CCDC171: variants seen among roughly 807,000 people sequenced by gnomAD.
CCDC171 encodes coiled-coil domain-containing protein 171.
CCDC171 carries 177 observed loss-of-function variants against 168.2 expected under a neutral mutation model. The ratio of observed to expected loss-of-function variants is 1.05; its 90% CI spans 0.93 to 1.19. CCDC171 has a LOEUF of 1.19. CCDC171 is among the 50% of genes most tolerant of loss of function. The probability of loss-of-function intolerance (pLI) is 0.00; values close to 1 mark genes in which losing one functional copy is unlikely to be tolerated. For synonymous variants in CCDC171, 687 were observed against 540.8 expected (o/e 1.27, Z -3.75); for missense variants, 1,991 against 1,539.0 (o/e 1.29, Z -4.91).
At chr9:15,992,312 G>A (rs1196702825) in intron 3 of CCDC171, among the ~76,000 whole-genome samples, 1 of 152,114 alleles carries the variant, frequency 6.6e-6, no homozygotes, top group African/African-American at 2.4e-5. Flanking sequence ...CATATAAACA[G>A]AACCAAAGAC....
the CCDC171 span, among the ~76,000 whole-genome samples, chr9:16,069,765 G>T: frequency 6.6e-6 from 1 of 152,148 alleles, no homozygotes; most frequent in South Asian, 2.1e-4. Context: ...AGAGCTTGCT[G>T]TTCACACCCC....
intron 6 of CCDC171, among the ~76,000 whole-genome samples, chr9:16,030,388 A>G (rs1833346674): frequency 1.3e-5 from 2 of 152,192 alleles, no homozygotes; most frequent in Non-Finnish European, 2.9e-5. Flanking sequence ...AGTTATGTAC[A>G]TATTTGTTGT....
rs537927511 is a variant in CCDC171, at chr9:15,819,266, T to C, written c.3268-27436T>C. Among the ~76,000 whole-genome samples, 162 of 117,842 alleles carry C rather than the reference T, an allele frequency of 1.4e-3. 49 individuals carry two copies. Among genetic ancestry groups the C allele is most frequent in the African/African-American group, 4.8e-3 (149 of 31,350 alleles). The allele number at this position is 117,842 out of a possible 152,430, so 77.3% of individuals were successfully genotyped here. ...GCCAAATTGTAAAGACCATCGAGGCTAGGAAGAAACTGCATCAACTAACGA... is the reference window on the plus strand; with the variant it reads ...GCCAAATTGTAAAGACCATCGAGGCCAGGAAGAAACTGCATCAACTAACGA... On this transcript the variant is annotated intron_variant, in intron 21 of 25. Transcript: ENST00000380701.
At chr9:15,610,483 T>TAAAAAAAA (rs1351393897) in intron 6 of CCDC171, among the ~76,000 whole-genome samples, 3 of 43,094 alleles carry the variant, frequency 7.0e-5, no homozygotes, top group Non-Finnish European at 1.4e-4. Flanking sequence ...AAAAAAAAAC[T>TAAAAAAAA]GGGCGTGGTG....
chr9:15,640,460 C>A (rs2046521362), intron 7 of CCDC171, among the ~76,000 whole-genome samples: 1 of 151,842 alleles, frequency 6.6e-6, no homozygotes, highest in African/African-American at 2.4e-5. Context: ...CATACGAGGC[C>A]CCTTATGTAA....
chr9:15,963,037 C>T (rs981767809), intron 25 of CCDC171, among the ~76,000 whole-genome samples: 2 of 151,982 alleles, frequency 1.3e-5, no homozygotes, highest in African/African-American at 4.8e-5. Context: ...TCATACTTCA[C>T]TTAAGTAGCC....
chr9:15,639,397 G>T (rs1191522333), intron 7 of CCDC171, among the ~76,000 whole-genome samples: 1 of 152,128 alleles, frequency 6.6e-6, no homozygotes, highest in Non-Finnish European at 1.5e-5. Flanking sequence ...AAAAGGTAGA[G>T]ATAATTTTTA....
intron 1 of CCDC171, among the ~76,000 whole-genome samples, chr9:16,050,816 C>T (rs1353611668): frequency 6.6e-6 from 1 of 152,102 alleles, no homozygotes; most frequent in Non-Finnish European, 1.5e-5. Context: ...TGGTAGTAAC[C>T]CCTCAAAGTT....
chr9:15,885,341 TAA>T (rs950801213), intron 24 of CCDC171, among the ~76,000 whole-genome samples: 68 of 152,358 alleles, frequency 4.5e-4, no homozygotes, highest in Admixed American at 1.2e-3. Context: ...TCATTAATGT[TAA>T]GAGGCAAAAA....
chr9:15,621,347 C>G (rs2044489482), intron 6 of CCDC171, among the ~76,000 whole-genome samples: 1 of 152,132 alleles, frequency 6.6e-6, no homozygotes, highest in Non-Finnish European at 1.5e-5. Context: ...CACTATAGTG[C>G]AAACATTACT....
rs1564187268 is a variant in CCDC171, at chr9:15,674,762, G to A, written c.1077-3996G>A. 2.0e-5 allele frequency among the ~76,000 whole-genome samples: 3 copies of A among 152,162 alleles called. 1 individual carries two copies. The South Asian group carries it at 6.2e-4, about 32-fold the overall frequency. On this transcript the variant is annotated intron_variant, in intron 9 of 25. Transcript: ENST00000380701. Reference sequence around the variant, plus strand: ...ATTTCTCATCTTTTACATTTGCTGAGGAGTGTTTTATTTCCAATTATGTGG... The same window carrying A: ...ATTTCTCATCTTTTACATTTGCTGAAGAGTGTTTTATTTCCAATTATGTGG...
intron 1 of CCDC171, among the ~76,000 whole-genome samples, chr9:16,054,878 CT>C (rs1423075511): frequency 6.6e-6 from 1 of 152,194 alleles, no homozygotes; most frequent in Non-Finnish European, 1.5e-5. Context: ...CAGACACCCC[CT>C]CCCCACACAC....
the CCDC171 span, among the ~76,000 whole-genome samples, chr9:16,080,060 C>G: frequency 6.6e-6 from 1 of 152,166 alleles, no homozygotes; most frequent in African/African-American, 2.4e-5. Context: ...CTGAAATCTG[C>G]TGCCTTGGAA....
At chr9:15,932,512 C>T (rs1826646602) in intron 25 of CCDC171, among the ~76,000 whole-genome samples, 1 of 151,592 alleles carries the variant, frequency 6.6e-6, no homozygotes, top group Non-Finnish European at 1.5e-5. Context: ...TTTTTTGGTG[C>T]AGTTTTTGGG....
chr9:15,634,342 A>G (rs1402681464), intron 7 of CCDC171, among the ~76,000 whole-genome samples: 1 of 152,078 alleles, frequency 6.6e-6, no homozygotes, highest in Non-Finnish European at 1.5e-5. Flanking sequence ...TATTTCTTTT[A>G]TTTCTACAAA....
rs1280897615 is a variant in CCDC171, at chr9:15,632,923, A to G, written c.822+9510A>G. 4.6e-5 allele frequency among the ~76,000 whole-genome samples: 7 copies of G among 152,248 alleles called. No individual in the cohort carries two copies. The South Asian group carries it at 1.2e-3, about 27-fold the overall frequency. On this transcript the variant is annotated intron_variant, in intron 7 of 25. Coordinates refer to ENST00000380701, the MANE Select transcript of CCDC171 (RefSeq NM_173550.4). ...CCTGAGAAAAACAAGCAACGCGGAA[A>G]GGATTCCCTGTTTAATAAATGGTGC... is the stretch of plus-strand genomic sequence containing the variant.
chr9:15,761,037 T>A (rs758803154), intron 18 of CCDC171, among the ~76,000 whole-genome samples: 1 of 152,220 alleles, frequency 6.6e-6, no homozygotes, highest in Non-Finnish European at 1.5e-5. Context: ...CTTTTTGATA[T>A]GACTGGTCGA....
chr9:16,057,949 A>G (rs1461723027), intron 1 of CCDC171, among the ~76,000 whole-genome samples: 1 of 152,170 alleles, frequency 6.6e-6, no homozygotes, highest in Non-Finnish European at 1.5e-5. Flanking sequence ...GAAGCAGAGC[A>G]CAAATGAATC....
At chr9:15,689,177 C>G (rs2050615252) in intron 10 of CCDC171, among the ~76,000 whole-genome samples, 1 of 152,084 alleles carries the variant, frequency 6.6e-6, no homozygotes. Context: ...AACTTGTCTG[C>G]TGAAAACTGC....
Sources: gnomAD v4.1 joint callset for allele counts (sites outside exome capture counted in the v4.1 genomes callset) on GRCh38, gnomAD v4.1.1 for gene constraint, MANE v1.5 for transcripts, NCBI Gene and HGNC (gene_info 2026-07-23, HGNC 2026-07-21) for gene names.